Variants in IRAG2 observed in about 807,000 individuals in gnomAD.
The protein encoded by IRAG2 is inositol 1,4,5-triphosphate receptor associated 2, also known as lymphoid restricted membrane protein.
IRAG2 carries 45 observed loss-of-function variants against 69.9 expected under a neutral mutation model. That is an observed-to-expected ratio of 0.64 (90% confidence interval 0.51 to 0.83). The LOEUF (loss-of-function observed/expected upper bound fraction) is 0.83. Ranked by LOEUF, IRAG2 falls within the 40% of genes least tolerant of loss-of-function variation. The probability of loss-of-function intolerance (pLI) is 0.00; values close to 1 mark genes in which losing one functional copy is unlikely to be tolerated. For missense variants in IRAG2, 520 were observed against 587.0 expected (o/e 0.89, Z 1.18); for synonymous variants, 193 against 202.4 (o/e 0.95, Z 0.40).
At chr12:25,096,745 A>C in intron 14 of IRAG2, 165 bp from the exon 15 acceptor site, 1 of 520,652 alleles carries the variant, frequency 1.9e-6, no homozygotes, top group Non-Finnish European at 3.4e-6. Flanking sequence ...CAAAAAAGAT[A>C]ATAATATATC....
intron 14 of IRAG2, 163 bp from the exon 15 acceptor site, chr12:25,096,747 T>C: frequency 1.9e-6 from 1 of 535,616 alleles, no homozygotes; most frequent in Non-Finnish European, 3.3e-6. Flanking sequence ...AAAAAGATAA[T>C]AATATATCAG....
At chr12:25,043,885 C>T (rs1397144442) in intron 16 of IRAG2, among the ~76,000 whole-genome samples, 1 of 151,890 alleles carries the variant, frequency 6.6e-6, no homozygotes, top group African/African-American at 2.4e-5. Context: ...AGAAACGGAC[C>T]CTAATGAAAC....
At chr12:25,088,028 C>CACAAAGT (rs745449526) in intron 10 of IRAG2, 72 bp from the exon 11 acceptor site, 6 of 1,116,784 alleles carry the variant, frequency 5.4e-6, no homozygotes, top group Middle Eastern at 4.0e-4. Context: ...TAGGAGAGGA[C>CACAAAGT]AGGAAGTAGG....
chr12:25,031,239 A>G (rs1412267649), intron 10 of IRAG2: 5 of 176,824 alleles, frequency 2.8e-5, no homozygotes, highest in African/African-American at 9.5e-5. Flanking sequence ...GGTGTTCTCT[A>G]TGTAATGATA....
rs867191456 is a variant in IRAG2 at position 25,101,609 on chromosome 12, C to T, written c.889+284C>T. Among the ~76,000 whole-genome samples the T allele has an allele frequency of 2.6e-5, 4 of 152,116 alleles. No homozygotes were observed. The South Asian group carries it at 6.2e-4, about 24-fold the overall frequency. On this transcript the variant is annotated intron_variant, in intron 16 of 21. Transcript: ENST00000556887. ...AACTCATGAAGTTGACCTTAGTGTT[C>T]CCCTACTTAGGATACATTAGAATTT... is the stretch of plus-strand genomic sequence containing the variant.
At chr12:25,107,139 T>G in intron 21 of IRAG2, 89 bp downstream of exon 21, 1 of 564,414 alleles carries the variant, frequency 1.8e-6, no homozygotes, top group Non-Finnish European at 3.0e-6. Context: ...ATCAAATTAC[T>G]AAAAGACATG....
At chr12:25,087,662 G>T (rs1253784373) in intron 10 of IRAG2, among the ~76,000 whole-genome samples, 4 of 151,940 alleles carry the variant, frequency 2.6e-5, no homozygotes, top group Non-Finnish European at 5.9e-5. Context: ...TAGAGCAGGG[G>T]TCCCCAGTCG....
intron 16 of IRAG2, among the ~76,000 whole-genome samples, chr12:25,039,319 C>T (rs1944728089): frequency 6.6e-6 from 1 of 152,226 alleles, no homozygotes. Context: ...AAATGATCTT[C>T]TGCTTTCCCT....
chr12:25,047,306 A>C (rs1458520680), upstream of IRAG2, among the ~76,000 whole-genome samples: 1 of 152,240 alleles, frequency 6.6e-6, no homozygotes, highest in African/African-American at 2.4e-5. Flanking sequence ...CAACAAAAGC[A>C]AAATAGGCAT....
chr12:25,078,582 C>T (rs1016874790), intron 6 of IRAG2, among the ~76,000 whole-genome samples: 1 of 152,098 alleles, frequency 6.6e-6, no homozygotes, highest in African/African-American at 2.4e-5. Flanking sequence ...TATGTTCTCA[C>T]TGTATTTTTT....
At position 25,028,533 on chromosome 12, in the gene IRAG2, A is replaced by G. The variant is rs145537053; in HGVS notation, c.1461+1667A>G. 4.3e-3 allele frequency among the ~76,000 whole-genome samples: 659 copies of G among 152,308 alleles called. 5 individuals are homozygous for G. The highest frequency in any genetic ancestry group is 0.015 in the African/African-American group (635 of 41,562). Reference sequence around the variant, plus strand: ...AAATGAGGAGAGATGGGAAAAATTTATCCCTAATTATATTAAGAAATTATA... The same window carrying G: ...AAATGAGGAGAGATGGGAAAAATTTGTCCCTAATTATATTAAGAAATTATA... On this transcript the variant is annotated intron_variant, in intron 9 of 38. Transcript: ENST00000636465.
chr12:25,017,703 G>A (rs567989769), intron 6 of IRAG2, among the ~76,000 whole-genome samples: 1 of 148,186 alleles, frequency 6.7e-6, no homozygotes, highest in East Asian at 2.0e-4. Context: ...AGGTGATAGA[G>A]CAAGACTCTG....
At chr12:25,101,818 A>G in intron 16 of IRAG2, 1 of 428,226 alleles carries the variant, frequency 2.3e-6, no homozygotes, top group Non-Finnish European at 4.5e-6. Flanking sequence ...AGTTTTATTT[A>G]AAATAAACAA....
chr12:25,017,875 T>G (rs1324650691), intron 6 of IRAG2, among the ~76,000 whole-genome samples: 2 of 152,232 alleles, frequency 1.3e-5, no homozygotes, highest in Admixed American at 6.5e-5. Flanking sequence ...CCTGGAAACC[T>G]CTATTCTACT....
Position 25,076,507 on chromosome 12 carries a change from AC to A in IRAG2, c.25-2735del, listed in dbSNP as rs939636808. 45 of 984,910 alleles carry A rather than the reference AC, an allele frequency of 4.6e-5. No individual in the cohort carries two copies. In the African/African-American group the frequency reaches 7.5e-4, roughly 16 times the overall value. The allele number at this position is 984,910 out of a possible 1,614,324, so 61.0% of individuals were successfully genotyped here. ...TACTTTGGCTTTAAATACTAATTAG[AC>A]CTTTTTTTGAAAAGGTTTGCAGAAA... On this transcript the variant is annotated intron_variant, in intron 6 of 21. Coordinates refer to ENST00000556887, the MANE Select transcript of IRAG2 (RefSeq NM_001366544.2).
At chr12:25,046,255 A>G (rs1944792340) in intron 16 of IRAG2, among the ~76,000 whole-genome samples, 2 of 152,138 alleles carry the variant, frequency 1.3e-5, no homozygotes, top group African/African-American at 2.4e-5. Context: ...CTCAGTGAAC[A>G]TCACTCAATG....
chr12:25,038,640 CA>C (rs376380706), intron 16 of IRAG2, among the ~76,000 whole-genome samples: 1,252 of 105,006 alleles, frequency 0.012, 3 homozygotes, highest in Non-Finnish European at 0.015. Context: ...GACTCCATTT[CA>C]AAAAAAAAAA....
chr12:25,011,669 A>G (rs745361030), intron 3 of IRAG2: 1 of 654,902 alleles, frequency 1.5e-6, no homozygotes, highest in Non-Finnish European at 2.2e-6. Flanking sequence ...TTTAGCATGC[A>G]TTAGAATCAC....
At chr12:25,051,150 AAG>A (rs1565535692), upstream of IRAG2, among the ~76,000 whole-genome samples, 2 of 152,218 alleles carry the variant, frequency 1.3e-5, no homozygotes, top group African/African-American at 4.8e-5. Flanking sequence ...GTTAAAGAAA[AAG>A]AGAGAAAAAG....
Sources: gnomAD v4.1 joint callset for allele counts (sites outside exome capture counted in the v4.1 genomes callset) on GRCh38, gnomAD v4.1.1 for gene constraint, MANE v1.5 for transcripts, NCBI Gene and HGNC (gene_info 2026-07-23, HGNC 2026-07-21) for gene names.